LRRC27: variants seen among roughly 807,000 people sequenced by gnomAD.
LRRC27 encodes leucine-rich repeat-containing protein 27.
Under a neutral mutation model 55.0 loss-of-function variants are expected in LRRC27, and 57 were observed. That is an observed-to-expected ratio of 1.04 (90% confidence interval 0.84 to 1.29). The LOEUF is 1.29. Among genes scored for constraint, LRRC27 ranks in the 50% most tolerant of loss-of-function variants. LRRC27 has a pLI of 0.00. For synonymous variants in LRRC27, 278 were observed against 251.9 expected (o/e 1.10, Z -0.98); for missense variants, 721 against 651.5 (o/e 1.11, Z -1.16).
intron 3 of LRRC27, among the ~76,000 whole-genome samples, chr10:132,340,430 G>T (rs1400145925): frequency 1.3e-5 from 2 of 152,110 alleles, no homozygotes; most frequent in Non-Finnish European, 2.9e-5. Flanking sequence ...GAACCTTTCT[G>T]CCTTGACAAA....
At chr10:132,340,200 G>A (rs1034465253) in intron 3 of LRRC27, among the ~76,000 whole-genome samples, 2 of 152,154 alleles carry the variant, frequency 1.3e-5, no homozygotes, top group South Asian at 2.1e-4. Context: ...TCAATGAAAC[G>A]AATCAACGGG....
upstream of LRRC27, among the ~76,000 whole-genome samples, chr10:132,330,067 C>G (rs1333294564): frequency 6.6e-6 from 1 of 152,214 alleles, no homozygotes; most frequent in Non-Finnish European, 1.5e-5. Context: ...ATAATCAGAT[C>G]AACACGAACA....
chr10:132,346,522 A>C lies in LRRC27; in HGVS notation c.554-1462A>C, dbSNP rs187163250. On this transcript the variant is annotated intron_variant, in intron 5 of 10. Coordinates refer to ENST00000368614, the MANE Select transcript of LRRC27 (RefSeq NM_030626.3). ...AAACCCTGTCTCTACTAAAAATACAAAAAATTAGTTGGGCGTGGTCGTGGG... is the reference window on the plus strand; with the variant it reads ...AAACCCTGTCTCTACTAAAAATACACAAAATTAGTTGGGCGTGGTCGTGGG... Among the ~76,000 whole-genome samples, 62 of 152,266 alleles carry C rather than the reference A, an allele frequency of 4.1e-4. 1 individual carries two copies. The East Asian group carries it at 0.012, about 28-fold the overall frequency.
chr10:132,342,333 GT>G (rs752653785), intron 4 of LRRC27, 62 bp downstream of exon 4: 43 of 1,055,014 alleles, frequency 4.1e-5, no homozygotes, highest in Non-Finnish European at 5.7e-5. Flanking sequence ...GCCAGACCTT[GT>G]AATGGAAGTA....
In LRRC27 at chr10:132,374,299, T is replaced by G. The variant is rs1318322513; in HGVS notation, c.1417-767T>G. ...TGCACTGGAGGTAGTGTCCAACCTG[T>G]GCCCCCAGCAAGGCAAGCCGGGGAG... is the stretch of plus-strand genomic sequence containing the variant. On this transcript the variant is annotated intron_variant, in intron 10 of 10. Transcript: ENST00000368614. This position sits in a 1 kb window ranked among gnomAD's most constrained non-coding sequence, Gnocchi z 4.4. Among the ~76,000 whole-genome samples the G allele has an allele frequency of 2.0e-5, 3 of 152,038 alleles. No homozygotes were observed. Among genetic ancestry groups the G allele is most frequent in the Non-Finnish European group, 4.4e-5 (3 of 68,004 alleles).
At position 132,379,336 on chromosome 10, in the gene LRRC27, C is replaced by T. The variant is rs534960597; in HGVS notation, c.*4094C>T. On this transcript the variant is annotated 3_prime_UTR_variant, in exon 11 of 11. Transcript: ENST00000368614. ...CCATCCTGCTCATCTCCAGCATTTCCTCTCACCTCCGTGTTCTCGGGGAGT... is the reference window on the plus strand; with the variant it reads ...CCATCCTGCTCATCTCCAGCATTTCTTCTCACCTCCGTGTTCTCGGGGAGT... The T allele has an allele frequency of 6.6e-6, 1 of 152,064 alleles. No individual in the cohort carries two copies. Among genetic ancestry groups the T allele is most frequent in the East Asian group, 2.0e-4 (1 of 5,118 alleles). The allele number at this position is 152,064 out of a possible 1,614,324, so 9.4% of individuals were successfully genotyped here. A position where few individuals can be genotyped will look rare whatever the true frequency, so the allele number is the denominator to read the frequency against.
At position 132,333,679 on chromosome 10, in the gene LRRC27, T is replaced by TGA. The variant is rs2066951696; in HGVS notation, c.157_158dup (p.Ser53ArgfsTer30). ...TTTTCCTCCTCACCGATTTTAGACT[T>TGA]GAGTGAAAGTGGTCTGTGCCGTTTG... is the stretch of plus-strand genomic sequence containing the variant. On this transcript the variant is annotated frameshift_variant, in exon 2 of 11. Coordinates refer to ENST00000368614, the MANE Select transcript of LRRC27 (RefSeq NM_030626.3). LOFTEE classifies it high-confidence loss of function. 1 of 1,613,792 alleles carries TGA rather than the reference T, an allele frequency of 6.2e-7. No individual in the cohort carries two copies. Among genetic ancestry groups the TGA allele is most frequent in the Non-Finnish European group, 8.5e-7 (1 of 1,180,024 alleles).
intron 2 of LRRC27, chr10:132,335,086 A>C (rs530397739): frequency 6.6e-6 from 1 of 152,354 alleles, no homozygotes; most frequent in South Asian, 2.1e-4. Flanking sequence ...TAGCCACCTC[A>C]CTGTTCACCA....
rs919259350 is a variant in LRRC27 at position 132,376,796 on chromosome 10, T to C, written c.*1554T>C. The stretch of plus-strand genomic sequence containing the variant: ...GTGTGTGTCAGGTGACATTGACTAA[T>C]CCTGTTGCTCAGAGCTCCTGTACCC... On this transcript the variant is annotated 3_prime_UTR_variant, in exon 11 of 11. Transcript: ENST00000368614. 3.9e-5 allele frequency: 6 copies of C among 152,320 alleles called. No individual in the cohort carries two copies. The highest frequency in any genetic ancestry group is 1.4e-4 in the African/African-American group (6 of 41,474). The allele number at this position is 152,320 out of a possible 1,614,324, so 9.4% of individuals were successfully genotyped here.
rs1490353202 is a variant in LRRC27, at chr10:132,376,738, G to A, written c.*1496G>A. On this transcript the variant is annotated 3_prime_UTR_variant, in exon 11 of 11. Transcript: ENST00000368614. ...TAAATGTAGACTGTGCACTTGAGAA[G>A]AATGTATTTTGAGTTGTTGGGTACA... 2.6e-5 allele frequency: 4 copies of A among 152,310 alleles called. No homozygotes were observed. Among genetic ancestry groups the A allele is most frequent in the Non-Finnish European group, 5.9e-5 (4 of 68,070 alleles). 9.4% of individuals were successfully genotyped at this position (152,310 alleles called of 1,614,324 possible).
chr10:132,344,671 G>A, intron 5 of LRRC27, 21 bp downstream of exon 5: 1 of 1,608,668 alleles, frequency 6.2e-7, no homozygotes, highest in Middle Eastern at 1.7e-4. Context: ...GGTGATTTAT[G>A]ACAAATCACA....
intron 5 of LRRC27, 76 bp from the exon 6 acceptor site, chr10:132,347,908 C>T (rs1011517163): frequency 4.7e-6 from 7 of 1,504,992 alleles, no homozygotes; most frequent in African/African-American, 4.2e-5. Flanking sequence ...CCATCCAGGC[C>T]GTCACTGGCT....
rs1000162533 is a variant in LRRC27, at chr10:132,351,633, T to A, written c.953T>A (p.Ile318Asn). 1 of 1,614,030 alleles carries A rather than the reference T, an allele frequency of 6.2e-7. No individual in the cohort carries two copies. Among genetic ancestry groups the A allele is most frequent in the African/African-American group, 1.3e-5 (1 of 75,024 alleles). The change falls in exon 7 of 11, where the codon ATC becomes AAC. Residue 318 changes from isoleucine (I) to asparagine (N), a missense_variant. Transcript: ENST00000368614. ...AGGAAGACAGCCTCCTCCAGGAGCATCTTACCCGACCTCTTGTCACCGTAC... is the reference window on the plus strand; with the variant it reads ...AGGAAGACAGCCTCCTCCAGGAGCAACTTACCCGACCTCTTGTCACCGTAC... ...FRRKTASSRS[I>N]LPDLLSPYQM...
chr10:132,375,385 C>G lies in LRRC27; in HGVS notation c.*143C>G, dbSNP rs1336379649. On this transcript the variant is annotated 3_prime_UTR_variant, in exon 11 of 11. Transcript: ENST00000368614. The stretch of plus-strand genomic sequence containing the variant: ...CTGATTTCGCGCAGCCTGTTGTTTT[C>G]CTTAGACAGGTCCACGTCCCTCTCC... The G allele has an allele frequency of 2.9e-6, 2 of 686,008 alleles. No individual in the cohort carries two copies. The highest frequency in any genetic ancestry group is 5.6e-5 in the East Asian group (2 of 35,632). The allele number at this position is 686,008 out of a possible 1,614,324, so 42.5% of individuals were successfully genotyped here. A position where few individuals can be genotyped will look rare whatever the true frequency, so the allele number is the denominator to read the frequency against.
At position 132,372,048 on chromosome 10, in the gene LRRC27, A is replaced by C. The variant is rs779097477; in HGVS notation, c.1417-3018A>C. On this transcript the variant is annotated intron_variant, in intron 10 of 10. Coordinates refer to ENST00000368614, the MANE Select transcript of LRRC27 (RefSeq NM_030626.3). This position sits in a 1 kb window ranked among gnomAD's most constrained non-coding sequence, Gnocchi z 4.0. Reference sequence around the variant, plus strand: ...CAGCAAAATGCCAGCAAAGATGCACAGTGATGCAGCCCCAGAGCCTGAAAA... The same window carrying C: ...CAGCAAAATGCCAGCAAAGATGCACCGTGATGCAGCCCCAGAGCCTGAAAA... 2.4e-4 allele frequency among the ~76,000 whole-genome samples: 37 copies of C among 152,396 alleles called. No homozygotes were observed. Among genetic ancestry groups the C allele is most frequent in the Non-Finnish European group, 4.9e-4 (33 of 68,036 alleles).
chr10:132,366,886 G>C lies in LRRC27; in HGVS notation c.1416+1336G>C, dbSNP rs753781734. ...AGAGGAGGCATGAGGGCAGGATGTG[G>C]AGCCACTTCATGGAGACCCCACCCA... On this transcript the variant is annotated intron_variant, in intron 10 of 10. Transcript: ENST00000368614. 1.0e-5 allele frequency: 13 copies of C among 1,286,230 alleles called. 1 individual carries two copies. Among genetic ancestry groups the C allele is most frequent in the Middle Eastern group, 2.1e-4 (1 of 4,694 alleles). 79.7% of individuals were successfully genotyped at this position (1,286,230 alleles called of 1,614,324 possible). A position where few individuals can be genotyped will look rare whatever the true frequency, so the allele number is the denominator to read the frequency against.
chr10:132,336,786 T>A (rs1205051306), intron 2 of LRRC27: 1 of 773,048 alleles, frequency 1.3e-6, no homozygotes, highest in Non-Finnish European at 2.4e-6. Context: ...CTGTTTCTAC[T>A]CCCTCAGGAA....
rs2067158740 is a variant in LRRC27 at position 132,336,865 on chromosome 10, T to C, written c.211-700T>C. 4.1e-6 allele frequency: 3 copies of C among 729,088 alleles called. No homozygotes were observed. The South Asian group carries it at 4.6e-5, about 11-fold the overall frequency. The allele number at this position is 729,088 out of a possible 1,614,324, so 45.2% of individuals were successfully genotyped here. On this transcript the variant is annotated intron_variant, in intron 2 of 10. Transcript: ENST00000368614. ...CAACTAGCAGCATTAATGACAGTAT[T>C]GTAAAAATTAGCTATGATCCTTCCA...
chr10:132,375,400 C>A lies in LRRC27; in HGVS notation c.*158C>A. 1 of 606,724 alleles carries A rather than the reference C, an allele frequency of 1.6e-6. No individual in the cohort carries two copies. Among genetic ancestry groups the A allele is most frequent in the Non-Finnish European group, 2.8e-6 (1 of 354,242 alleles). 37.6% of individuals were successfully genotyped at this position (606,724 alleles called of 1,614,324 possible). On this transcript the variant is annotated 3_prime_UTR_variant, in exon 11 of 11. Transcript: ENST00000368614. ...CTGTTGTTTTCCTTAGACAGGTCCACGTCCCTCTCCTGAGGCTGTGGAAGA... is the reference window on the plus strand; with the variant it reads ...CTGTTGTTTTCCTTAGACAGGTCCAAGTCCCTCTCCTGAGGCTGTGGAAGA...
Sources: gnomAD v4.1 joint callset for allele counts (sites outside exome capture counted in the v4.1 genomes callset) on GRCh38, gnomAD v4.1.1 for gene constraint, Gnocchi (gnomAD v3.1) non-coding constraint, MANE v1.5 for transcripts, NCBI Gene and HGNC (gene_info 2026-07-23, HGNC 2026-07-21) for gene names.